Variants in BCAS3 observed in about 807,000 individuals in gnomAD.
BCAS3 encodes the protein BCAS4/BCAS3 fusion.
A neutral mutation model predicts 116.1 loss-of-function variants in BCAS3; 53 were observed. The observed-to-expected ratio is 0.46, with a 90% CI of 0.37 to 0.57. The LOEUF (loss-of-function observed/expected upper bound fraction) is 0.57. Ranked by LOEUF, BCAS3 falls within the 20% of genes least tolerant of loss-of-function variation. BCAS3 has a pLI of 0.00. For missense variants in BCAS3, 917 were observed against 1,165.4 expected (o/e 0.79, Z 3.10); for synonymous variants, 391 against 408.2 (o/e 0.96, Z 0.51).
rs2144066934 is a variant in BCAS3, at chr17:61,162,455, G to C, written c.2425+77891G>C. Among the ~76,000 whole-genome samples, 1 of 152,234 alleles carries C rather than the reference G, an allele frequency of 6.6e-6. No homozygotes were observed. The highest frequency in any genetic ancestry group is 1.9e-4 in the East Asian group (1 of 5,188). On this transcript the variant is annotated intron_variant, in intron 22 of 23. Transcript: ENST00000407086. This position sits in a 1 kb window ranked among gnomAD's most constrained non-coding sequence, Gnocchi z 5.6. ...ACACCATAGATATAGAGAAAGGACA[G>C]GTATATACATCGTATTTTATTTGAA...
At chr17:60,803,238 C>T (rs1485902956) in intron 6 of BCAS3, among the ~76,000 whole-genome samples, 1 of 152,196 alleles carries the variant, frequency 6.6e-6, no homozygotes, top group African/African-American at 2.4e-5. Context: ...ACCTTTCAGC[C>T]TTGTGCTGGG....
chr17:61,360,208 T>C (rs1465194886), intron 22 of BCAS3, among the ~76,000 whole-genome samples: 3 of 152,090 alleles, frequency 2.0e-5, no homozygotes, highest in African/African-American at 7.2e-5. Context: ...TTTCACCATA[T>C]TGGTCAGGCT....
At chr17:60,872,925 T>C (rs915659097) in intron 8 of BCAS3, among the ~76,000 whole-genome samples, 2 of 152,134 alleles carry the variant, frequency 1.3e-5, no homozygotes, top group South Asian at 2.1e-4. Context: ...TGTTTCATTA[T>C]TTGATATTTT....
rs1311263350 is a variant in BCAS3, at chr17:61,188,201, T to C, written c.2425+103637T>C. ...TTGCTATTCTCGCTATTGAACAGTC[T>C]CCAACTCTTAAACTAGCAAGTTTTG... On this transcript the variant is annotated intron_variant, in intron 22 of 23. Transcript: ENST00000407086. This position sits in a 1 kb window ranked among gnomAD's most constrained non-coding sequence, Gnocchi z 4.0. Among the ~76,000 whole-genome samples, 1 of 152,198 alleles carries C rather than the reference T, an allele frequency of 6.6e-6. No individual in the cohort carries two copies. The highest frequency in any genetic ancestry group is 1.5e-5 in the Non-Finnish European group (1 of 68,032).
At chr17:60,750,339 TATG>T (rs1375842854) in intron 6 of BCAS3, among the ~76,000 whole-genome samples, 4 of 152,168 alleles carry the variant, frequency 2.6e-5, no homozygotes, top group Non-Finnish European at 5.9e-5. Context: ...ATTTTCTGAA[TATG>T]ATAAAAGTTA....
chr17:61,232,531 T>G (rs1228647224), intron 22 of BCAS3, among the ~76,000 whole-genome samples: 2 of 152,164 alleles, frequency 1.3e-5, no homozygotes, highest in African/African-American at 2.4e-5. Context: ...GGCAGACCCT[T>G]GGAATATAAC....
rs569496156 is a variant in BCAS3 at position 61,032,365 on chromosome 17, C to T, written c.1638-2301C>T. On this transcript the variant is annotated intron_variant, in intron 16 of 23. Transcript: ENST00000407086. This position sits in a 1 kb window ranked among gnomAD's most constrained non-coding sequence, Gnocchi z 4.6. ...AAGCACATAGTCGCACAATTGCAAACTGCTTTCAAAAAATTCTACAATACT... is the reference window on the plus strand; with the variant it reads ...AAGCACATAGTCGCACAATTGCAAATTGCTTTCAAAAAATTCTACAATACT... Among the ~76,000 whole-genome samples the T allele has an allele frequency of 1.3e-5, 2 of 152,246 alleles. No homozygotes were observed.
Position 61,095,777 on chromosome 17 carries a change from G to A in BCAS3, c.2425+11213G>A, listed in dbSNP as rs751408124. Among the ~76,000 whole-genome samples the A allele has an allele frequency of 3.3e-5, 5 of 151,898 alleles. No individual in the cohort carries two copies. The highest frequency in any genetic ancestry group is 7.4e-5 in the Non-Finnish European group (5 of 67,934). ...CCACCGCACCTGACTGGGGTCCTGA[G>A]TTTTTTTAAGCACACTGGGATCCTG... On this transcript the variant is annotated intron_variant, in intron 22 of 23. Coordinates refer to ENST00000407086, the MANE Select transcript of BCAS3 (RefSeq NM_017679.5). This position sits in a 1 kb window ranked among gnomAD's most constrained non-coding sequence, Gnocchi z 4.7.
At chr17:61,112,922 G>GA (rs1175101896) in intron 22 of BCAS3, among the ~76,000 whole-genome samples, 3 of 148,486 alleles carry the variant, frequency 2.0e-5, no homozygotes, top group African/African-American at 7.4e-5. Flanking sequence ...TAGAACTCAG[G>GA]ATTAAGAATC....
chr17:61,164,959 G>A (rs1201941162), intron 22 of BCAS3, among the ~76,000 whole-genome samples: 4 of 152,196 alleles, frequency 2.6e-5, no homozygotes, highest in African/African-American at 7.2e-5. Flanking sequence ...GTTATGGAAA[G>A]GTGAACAAAC....
Position 61,265,698 on chromosome 17 carries a change from T to TCC in BCAS3, c.2426-102623_2426-102622dup, listed in dbSNP as rs5821315. ...ACTATGTAACACCATCATTCTTTTTTCCCCCCCATCAAGTAGTATATCTGC... is the reference window on the plus strand; with the variant it reads ...ACTATGTAACACCATCATTCTTTTTTCCCCCCCCCATCAAGTAGTATATCTGC... On this transcript the variant is annotated intron_variant, in intron 22 of 23. Coordinates refer to ENST00000407086, the MANE Select transcript of BCAS3 (RefSeq NM_017679.5). The surrounding 1 kb of genome is among the most constrained non-coding windows in gnomAD (Gnocchi z 4.3). Among the ~76,000 whole-genome samples the TCC allele has an allele frequency of 0.026, 3,885 of 151,780 alleles. 64 individuals are homozygous for TCC. The highest frequency in any genetic ancestry group is 0.058 in the Middle Eastern group (17 of 294).
In BCAS3 at chr17:61,377,295, A is replaced by T. The variant is rs2143589880; in HGVS notation, c.2593+8801A>T. On this transcript the variant is annotated intron_variant, in intron 23 of 23. Coordinates refer to ENST00000407086, the MANE Select transcript of BCAS3 (RefSeq NM_017679.5). The surrounding 1 kb of genome is among the most constrained non-coding windows in gnomAD (Gnocchi z 4.6). ...CAGGTCACAAGCATCCCTACTCGGG[A>T]CAAGAGGGAGCAGCTGCGCCAGCGA... 6.6e-6 allele frequency among the ~76,000 whole-genome samples: 1 copy of T among 152,312 alleles called. No individual in the cohort carries two copies. Among genetic ancestry groups the T allele is most frequent in the East Asian group, 1.9e-4 (1 of 5,178 alleles).
At chr17:61,016,876 C>T (rs1403428645) in intron 16 of BCAS3, 7 of 152,178 alleles carry the variant, frequency 4.6e-5, no homozygotes, top group Admixed American at 2.0e-4. Context: ...AGAAGAAATA[C>T]TCAGTAGTCT....
chr17:60,699,090 A>G (rs2036035958), intron 4 of BCAS3, among the ~76,000 whole-genome samples: 1 of 152,214 alleles, frequency 6.6e-6, no homozygotes, highest in African/African-American at 2.4e-5. Flanking sequence ...AAAACAAAAC[A>G]AGAACAACAA....
intron 22 of BCAS3, among the ~76,000 whole-genome samples, chr17:61,149,964 C>G (rs72832561): frequency 0.017 from 2,596 of 152,130 alleles, 26 homozygotes; most frequent in Non-Finnish European, 0.028. Flanking sequence ...AAGGTGGTAA[C>G]AATTTAACAA....
intron 7 of BCAS3, among the ~76,000 whole-genome samples, chr17:60,866,516 A>G (rs2054608149): frequency 6.6e-6 from 1 of 152,204 alleles, no homozygotes; most frequent in Non-Finnish European, 1.5e-5. Context: ...CTTGCAATAT[A>G]TTTATTTAGT....
At position 61,355,477 on chromosome 17, in the gene BCAS3, C is replaced by A. The variant is rs1278657332; in HGVS notation, c.2426-12850C>A. ...CTCGCTGGCACTCCAGCCATATTTT[C>A]AAAAAAAAAAATTCAGCATGGTAGT... On this transcript the variant is annotated intron_variant, in intron 22 of 23. Coordinates refer to ENST00000407086, the MANE Select transcript of BCAS3 (RefSeq NM_017679.5). This position sits in a 1 kb window ranked among gnomAD's most constrained non-coding sequence, Gnocchi z 4.2. Among the ~76,000 whole-genome samples, 3 of 148,776 alleles carry A rather than the reference C, an allele frequency of 2.0e-5. No homozygotes were observed. Among genetic ancestry groups the A allele is most frequent in the African/African-American group, 2.5e-5 (1 of 40,546 alleles).
chr17:60,751,714 T>C (rs2042484429), intron 6 of BCAS3, among the ~76,000 whole-genome samples: 1 of 152,124 alleles, frequency 6.6e-6, no homozygotes. Flanking sequence ...GACTAGTTTT[T>C]GTAATTTTAG....
At chr17:61,154,185 T>TGAGG (rs1268802936) in intron 22 of BCAS3, among the ~76,000 whole-genome samples, 13 of 152,020 alleles carry the variant, frequency 8.6e-5, no homozygotes, top group Admixed American at 8.5e-4. Flanking sequence ...ATGTGTCCTT[T>TGAGG]GAGGAAGGAA....
Sources: gnomAD v4.1 joint callset for allele counts (sites outside exome capture counted in the v4.1 genomes callset) on GRCh38, gnomAD v4.1.1 for gene constraint, Gnocchi (gnomAD v3.1) non-coding constraint, MANE v1.5 for transcripts, NCBI Gene and HGNC (gene_info 2026-07-23, HGNC 2026-07-21) for gene names.